Variants in CSAD observed in about 807,000 individuals in gnomAD.
CSAD encodes the protein cysteine sulfinic acid decarboxylase.
A neutral mutation model predicts 61.5 loss-of-function variants in CSAD; 47 were observed. The ratio of observed to expected loss-of-function variants is 0.76; its 90% confidence interval spans 0.60 to 0.97. CSAD has a LOEUF of 0.97. Ranked by LOEUF, CSAD falls within the 50% of genes least tolerant of loss-of-function variation. CSAD has a pLI of 0.00. For synonymous variants in CSAD, 245 were observed against 252.7 expected (o/e 0.97, Z 0.29); for missense variants, 611 against 643.6 (o/e 0.95, Z 0.55).
intron 10 of CSAD, among the ~76,000 whole-genome samples, chr12:53,162,103 A>G (rs1032045419): frequency 1.5e-4 from 22 of 151,524 alleles, no homozygotes; most frequent in Admixed American, 7.9e-4. Flanking sequence ...CTATTAAAAA[A>G]TACAGAAATT....
chr12:53,172,552 G>A lies in CSAD; in HGVS notation c.223C>T (p.Arg75Trp), dbSNP rs145064540. The A allele has an allele frequency of 1.4e-5, 23 of 1,613,778 alleles. No homozygotes were observed. In the South Asian group the frequency reaches 1.4e-4, roughly 10 times the overall value. Residue 75 changes from arginine (R) to tryptophan (W), a missense_variant, in exon 5 of 17, where the codon CGG (arginine) becomes TGG (tryptophan). Physicochemically the swap from Arg to Trp is moderately radical, Grantham distance 101 (BLOSUM62 -3). Coordinates refer to ENST00000444623, the MANE Select transcript of CSAD (RefSeq NM_001244705.2). ...TTGACACTGTAGCGAATCACAGCCC[G>A]ACACCGCTCCAGGATCTGCTTCTGT... The part of the protein sequence containing the change: ...ESQKQILERC[R>W]AVIRYSVKTG...
intron 1 of CSAD, chr12:53,180,467 TCA>T: frequency 8.3e-7 from 1 of 1,208,350 alleles, no homozygotes; most frequent in Non-Finnish European, 1.0e-6. Flanking sequence ...GGTCCTGCCC[TCA>T]GTCTCGATGG....
chr12:53,159,996 A>C, intron 14 of CSAD, 58 bp from the exon 15 acceptor site: 1 of 1,600,186 alleles, frequency 6.2e-7, no homozygotes, highest in East Asian at 2.2e-5. Context: ...TCCAGACAGA[A>C]GAGGCCCACG....
At chr12:53,172,817 G>A (rs954049738) in intron 4 of CSAD, among the ~76,000 whole-genome samples, 169 bp from the exon 5 acceptor site, 1 of 152,218 alleles carries the variant, frequency 6.6e-6, no homozygotes, top group Non-Finnish European at 1.5e-5. Context: ...GTAAGACCCA[G>A]AATGTAAATC....
chr12:53,170,268 C>A, intron 9 of CSAD, 142 bp from the exon 10 acceptor site: 1 of 967,900 alleles, frequency 1.0e-6, no homozygotes, highest in Non-Finnish European at 1.6e-6. Context: ...GTGGGAGACG[C>A]TGGCAGGCTC....
intron 8 of CSAD, 25 bp downstream of exon 8, chr12:53,171,301 G>A: frequency 1.2e-6 from 2 of 1,613,740 alleles, no homozygotes; most frequent in South Asian, 2.2e-5. Flanking sequence ...AGGAGCCCAG[G>A]GTTGGGCCTG....
intron 3 of CSAD, 60 bp downstream of exon 3, chr12:53,173,668 G>A: frequency 6.9e-7 from 1 of 1,448,158 alleles, no homozygotes. Context: ...AGAAAAGGCA[G>A]TCAGTGCTGA....
intron 4 of CSAD, chr12:53,173,133 G>T: frequency 2.1e-6 from 1 of 484,806 alleles, no homozygotes; most frequent in Non-Finnish European, 3.7e-6. Flanking sequence ...GCTTGAGCCC[G>T]GGAGACGGAG....
chr12:53,175,066 A>G (rs1309663436), intron 2 of CSAD, among the ~76,000 whole-genome samples: 1 of 152,170 alleles, frequency 6.6e-6, no homozygotes, highest in African/African-American at 2.4e-5. Context: ...CCTGGCTGGC[A>G]TTACCCTAGG....
upstream of CSAD, chr12:53,181,090 G>C: frequency 8.9e-6 from 8 of 902,042 alleles, no homozygotes; most frequent in Non-Finnish European, 1.1e-5. Flanking sequence ...CGCATCTCGC[G>C]CGCTTCTCGG....
At chr12:53,164,107 T>G (rs1232934928) in intron 10 of CSAD, among the ~76,000 whole-genome samples, 1 of 152,220 alleles carries the variant, frequency 6.6e-6, no homozygotes, top group East Asian at 1.9e-4. Context: ...AATTAATTCA[T>G]ATTGGATCAC....
Position 53,173,325 on chromosome 12 carries a change from A to G in CSAD, c.126+20T>C. 7 of 1,605,110 alleles carry G rather than the reference A, an allele frequency of 4.4e-6. No homozygotes were observed. The highest frequency in any genetic ancestry group is 3.3e-5 in the Admixed American group (2 of 59,800). ...AAAGAAAGAAAGCTTGATGGGAAGG[A>G]GGAGGAAGAAAGGACTCACCTTCTG... On this transcript the variant is annotated intron_variant, in intron 4 of 16. Transcript: ENST00000444623.
At chr12:53,170,043 T>C (rs772295163) in intron 10 of CSAD, 29 bp downstream of exon 10, 6 of 1,603,606 alleles carry the variant, frequency 3.7e-6, no homozygotes, top group Non-Finnish European at 5.1e-6. Context: ...TTGGAGGCTA[T>C]ATCACCCCAG....
intron 16 of CSAD, among the ~76,000 whole-genome samples, chr12:53,159,360 C>G (rs1311492517): frequency 6.6e-6 from 1 of 152,202 alleles, no homozygotes; most frequent in African/African-American, 2.4e-5. Context: ...GCCTGAGTTC[C>G]CAGCCCAATT....
At chr12:53,169,855 C>T (rs1447818032) in intron 10 of CSAD, among the ~76,000 whole-genome samples, 1 of 152,166 alleles carries the variant, frequency 6.6e-6, no homozygotes, top group Non-Finnish European at 1.5e-5. Flanking sequence ...CCTCACTCAG[C>T]CCTGCCTCTC....
At chr12:53,166,831 T>C (rs1240255873) in intron 10 of CSAD, among the ~76,000 whole-genome samples, 1 of 151,948 alleles carries the variant, frequency 6.6e-6, no homozygotes, top group Non-Finnish European at 1.5e-5. Flanking sequence ...AAAAACAAGA[T>C]GAAAAGAGTT....
intron 8 of CSAD, chr12:53,170,904 A>G: frequency 2.7e-6 from 1 of 372,104 alleles, no homozygotes; most frequent in Non-Finnish European, 5.1e-6. Flanking sequence ...GTATTTTAGT[A>G]AAGAGGGGGT....
chr12:53,171,115 C>A, intron 8 of CSAD: 1 of 714,580 alleles, frequency 1.4e-6, no homozygotes. Flanking sequence ...GTGTCCACTG[C>A]ACTCACGGCC....
At chr12:53,165,242 G>A (rs1939765259) in intron 10 of CSAD, among the ~76,000 whole-genome samples, 1 of 152,092 alleles carries the variant, frequency 6.6e-6, no homozygotes, top group South Asian at 2.1e-4. Context: ...TTGGGAGGCT[G>A]AGATGGGAGA....
Sources: gnomAD v4.1 joint callset for allele counts (sites outside exome capture counted in the v4.1 genomes callset) on GRCh38, gnomAD v4.1.1 for gene constraint, MANE v1.5 for transcripts, NCBI Gene and HGNC (gene_info 2026-07-23, HGNC 2026-07-21) for gene names.